The following TEC variants were observed in gnomAD, a reference collection of about 807,000 sequenced individuals.
TEC encodes tyrosine-protein kinase Tec.
TEC carries 72 observed loss-of-function variants against 93.0 expected under a neutral mutation model. The observed-to-expected ratio is 0.77, with a 90% CI of 0.64 to 0.94. TEC has a LOEUF of 0.94. Among genes scored for constraint, TEC ranks in the 40% least tolerant of loss-of-function variants. The pLI, the probability that TEC is intolerant of heterozygous loss-of-function variation, is 0.00. For synonymous variants in TEC, 249 were observed against 247.7 expected (o/e 1.01, Z -0.05); for missense variants, 630 against 757.9 (o/e 0.83, Z 1.98).
intron 2 of TEC, among the ~76,000 whole-genome samples, chr4:48,227,634 A>G (rs1723512749): frequency 7.6e-6 from 1 of 131,778 alleles, no homozygotes; most frequent in Admixed American, 8.0e-5. Flanking sequence ...AGAGCAAGAC[A>G]CTGTCTCAAA....
At chr4:48,201,332 G>C (rs1404535367) in intron 2 of TEC, among the ~76,000 whole-genome samples, 4 of 152,124 alleles carry the variant, frequency 2.6e-5, no homozygotes, top group Non-Finnish European at 4.4e-5. Context: ...TCAGACCTCA[G>C]AATAGATATC....
At chr4:48,196,469 G>C (rs1209989746) in intron 2 of TEC, among the ~76,000 whole-genome samples, 2 of 152,222 alleles carry the variant, frequency 1.3e-5, no homozygotes, top group African/African-American at 4.8e-5. Context: ...AATTCGAAGA[G>C]TCAATTCATG....
intron 1 of TEC, among the ~76,000 whole-genome samples, chr4:48,260,247 T>A (rs1724464877): frequency 6.6e-6 from 1 of 152,160 alleles, no homozygotes; most frequent in Admixed American, 6.5e-5. Context: ...AAACTTCACA[T>A]TGCTAGTGAG....
rs1165801356 is a variant in TEC at position 48,217,199 on chromosome 4, G to A, written c.138+11278C>T. On this transcript the variant is annotated intron_variant, in intron 2 of 17. Coordinates refer to ENST00000381501, the MANE Select transcript of TEC (RefSeq NM_003215.3). Reference sequence around the variant, plus strand: ...GCTCTCTGAAACCTCTGCCTCCCAGGTTCAAACGATTCTCTTGACTCAGCC... The same window carrying A: ...GCTCTCTGAAACCTCTGCCTCCCAGATTCAAACGATTCTCTTGACTCAGCC... Among the ~76,000 whole-genome samples, 3 of 152,104 alleles carry A rather than the reference G, an allele frequency of 2.0e-5. No individual in the cohort carries two copies. The South Asian group carries it at 6.2e-4, about 31-fold the overall frequency.
At chr4:48,146,221 A>T in intron 12 of TEC, 104 bp downstream of exon 12, 1 of 1,054,486 alleles carries the variant, frequency 9.5e-7, no homozygotes, top group Non-Finnish European at 1.4e-6. Flanking sequence ...TAAACTTATA[A>T]AAAACAGTTC....
chr4:48,223,835 T>C (rs894588380), intron 2 of TEC, among the ~76,000 whole-genome samples: 1 of 152,204 alleles, frequency 6.6e-6, no homozygotes, highest in African/African-American at 2.4e-5. Context: ...GCTTTCCTTC[T>C]GGAGTCTGGA....
intron 3 of TEC, among the ~76,000 whole-genome samples, chr4:48,175,655 C>G (rs1721295192): frequency 6.6e-6 from 1 of 152,144 alleles, no homozygotes; most frequent in Admixed American, 6.5e-5. Flanking sequence ...AACAGGTGAG[C>G]ACTGATTTCC....
rs139256661 is a variant in TEC, at chr4:48,194,078, T to C, written c.139-17892A>G. On this transcript the variant is annotated intron_variant, in intron 2 of 17. Coordinates refer to ENST00000381501, the MANE Select transcript of TEC (RefSeq NM_003215.3). ...CTCCTGGTATCCCAACCATGACCAA[T>C]GGATTGATGAAGTGATAACCCAGAG... Among the ~76,000 whole-genome samples the C allele has an allele frequency of 1.7e-3, 253 of 152,200 alleles. 1 individual carries two copies. Among genetic ancestry groups the C allele is most frequent in the African/African-American group, 5.8e-3 (243 of 41,544 alleles).
intron 7 of TEC, among the ~76,000 whole-genome samples, chr4:48,166,897 T>C (rs1250375733): frequency 6.6e-6 from 1 of 151,760 alleles, no homozygotes; most frequent in Non-Finnish European, 1.5e-5. Flanking sequence ...AGGTTTCCAC[T>C]GCTTCTCCAG....
chr4:48,203,976 T>G (rs1722619014), intron 2 of TEC, among the ~76,000 whole-genome samples: 1 of 152,160 alleles, frequency 6.6e-6, no homozygotes, highest in Non-Finnish European at 1.5e-5. Flanking sequence ...GTGCAGGCAC[T>G]GGGGGAAGGA....
chr4:48,260,645 A>G (rs1259915624), intron 1 of TEC, among the ~76,000 whole-genome samples: 1 of 152,220 alleles, frequency 6.6e-6, no homozygotes, highest in Admixed American at 6.5e-5. Flanking sequence ...GTGTCCAACA[A>G]CTGGGGAGTG....
At chr4:48,267,565 G>C (rs1468092701) in intron 1 of TEC, among the ~76,000 whole-genome samples, 1 of 152,176 alleles carries the variant, frequency 6.6e-6, no homozygotes, top group Non-Finnish European at 1.5e-5. Flanking sequence ...CAACAGACTT[G>C]AATGCCCAAT....
At chr4:48,210,500 GGAGGAGGAGGAGGAGGATGAT>G (rs1722866391) in intron 2 of TEC, among the ~76,000 whole-genome samples, 2 of 150,112 alleles carry the variant, frequency 1.3e-5, no homozygotes, top group Non-Finnish European at 3.0e-5. Context: ...AAAAAATGGA[GGAGGAGGAGGAGGAGGATGAT>G]GAGGAGGAGG....
At chr4:48,143,053 T>C (rs933070781) in intron 14 of TEC, among the ~76,000 whole-genome samples, 4 of 152,228 alleles carry the variant, frequency 2.6e-5, no homozygotes, top group Non-Finnish European at 5.9e-5. Context: ...AATTCTATTT[T>C]CTCTATGTGG....
intron 2 of TEC, among the ~76,000 whole-genome samples, chr4:48,216,978 C>T (rs1415469039): frequency 2.6e-5 from 4 of 152,140 alleles, no homozygotes; most frequent in African/African-American, 9.7e-5. Flanking sequence ...TGATTAAACT[C>T]CTCTCTTCAT....
chr4:48,186,091 G>C (rs374408081), intron 2 of TEC, among the ~76,000 whole-genome samples: 1 of 152,216 alleles, frequency 6.6e-6, no homozygotes, highest in Admixed American at 6.5e-5. Context: ...GCTCCTGACC[G>C]TGAGTGATCT....
chr4:48,159,965 C>G (rs1029751406), intron 8 of TEC, among the ~76,000 whole-genome samples: 1 of 152,192 alleles, frequency 6.6e-6, no homozygotes. Context: ...CATCTTCCCC[C>G]AGGCCCCTGC....
intron 2 of TEC, among the ~76,000 whole-genome samples, chr4:48,186,051 G>T (rs1411606180): frequency 6.6e-6 from 1 of 152,212 alleles, no homozygotes; most frequent in Non-Finnish European, 1.5e-5. Flanking sequence ...TGGAGACAGG[G>T]TTTCGCCATG....
Position 48,206,668 on chromosome 4 carries a change from G to A in TEC, c.138+21809C>T, listed in dbSNP as rs1378359272. On this transcript the variant is annotated intron_variant, in intron 2 of 17. Coordinates refer to ENST00000381501, the MANE Select transcript of TEC (RefSeq NM_003215.3). ...GTAAAATATGAAAAGTTGGCCAGGCGTGATGGCTCACACTTGTAATCTCAG... is the reference window on the plus strand; with the variant it reads ...GTAAAATATGAAAAGTTGGCCAGGCATGATGGCTCACACTTGTAATCTCAG... Among the ~76,000 whole-genome samples the A allele has an allele frequency of 6.6e-5, 10 of 151,468 alleles. No homozygotes were observed. In the South Asian group the frequency reaches 1.3e-3, roughly 19 times the overall value.
Sources: gnomAD v4.1 joint callset for allele counts (sites outside exome capture counted in the v4.1 genomes callset) on GRCh38, gnomAD v4.1.1 for gene constraint, MANE v1.5 for transcripts, NCBI Gene and HGNC (gene_info 2026-07-23, HGNC 2026-07-21) for gene names.